The following TMEM178B variants were observed in gnomAD, a reference collection of about 807,000 sequenced individuals.
TMEM178B encodes transmembrane protein 178B.
TMEM178B carries 5 observed loss-of-function variants against 31.0 expected under a neutral mutation model. That is an observed-to-expected ratio of 0.16 (90% CI 0.08 to 0.34). The LOEUF (loss-of-function observed/expected upper bound fraction) is 0.34, where lower values mean the gene tolerates loss of function less well. TMEM178B is among the 10% of genes least tolerant of loss of function. TMEM178B has a pLI of 1.00. For missense variants in TMEM178B, 275 were observed against 400.3 expected, an observed-to-expected ratio of 0.69 and a Z score of 2.67; for synonymous variants, 164 against 164.0, an observed-to-expected ratio of 1.00 and a Z score of 0.00.
chr7:141,464,110 T>C (rs1439070060), intron 3 of TMEM178B, among the ~76,000 whole-genome samples: 3 of 152,100 alleles, frequency 2.0e-5, no homozygotes, highest in Non-Finnish European at 4.4e-5. Flanking sequence ...ATAGTAAGTG[T>C]TGTCTGCGAG....
At chr7:141,499,638 TAAAA>T in the TMEM178B span, among the ~76,000 whole-genome samples, 1 of 151,788 alleles carries the variant, frequency 6.6e-6, no homozygotes, top group African/African-American at 2.4e-5. Context: ...GACCCTGTCT[TAAAA>T]AAACCAACAA....
At chr7:141,334,501 C>G (rs1200151728) in intron 2 of TMEM178B, among the ~76,000 whole-genome samples, 2 of 152,124 alleles carry the variant, frequency 1.3e-5, no homozygotes, top group Non-Finnish European at 2.9e-5. Context: ...CTGCAGGGAC[C>G]TGAAGAAGAT....
intron 2 of TMEM178B, among the ~76,000 whole-genome samples, chr7:141,290,105 G>A (rs933590098): frequency 1.3e-5 from 2 of 152,226 alleles, no homozygotes; most frequent in Admixed American, 1.3e-4. Context: ...TCATTCTGCA[G>A]ACTGTCTTTC....
intron 1 of TMEM178B, among the ~76,000 whole-genome samples, chr7:141,161,988 A>G (rs1264064553): frequency 1.3e-5 from 2 of 152,038 alleles, no homozygotes; most frequent in African/African-American, 4.8e-5. Context: ...GTGCACTTGC[A>G]GGCAGAAAGG....
intron 2 of TMEM178B, among the ~76,000 whole-genome samples, chr7:141,381,714 A>C (rs1800318588): frequency 6.6e-6 from 1 of 152,216 alleles, no homozygotes; most frequent in South Asian, 2.1e-4. Flanking sequence ...GCTGGTTGGC[A>C]AGGATAGGAG....
At position 141,298,467 on chromosome 7, in the gene TMEM178B, A is replaced by G. The variant is rs188624603; in HGVS notation, c.496+85763A>G. Among the ~76,000 whole-genome samples, 184 of 152,330 alleles carry G rather than the reference A, an allele frequency of 1.2e-3. 2 individuals are homozygous for G. Among genetic ancestry groups the G allele is most frequent in the African/African-American group, 4.1e-3 (172 of 41,580 alleles). On this transcript the variant is annotated intron_variant, in intron 2 of 3. Transcript: ENST00000565468. ...CCAAAGCTGGGCCCGATTATCTTCA[A>G]TGTGAACTCCAATAGAGTAGCTGGC...
chr7:141,278,605 TAAA>T (rs1798305951), intron 2 of TMEM178B, among the ~76,000 whole-genome samples: 1 of 151,846 alleles, frequency 6.6e-6, no homozygotes, highest in African/African-American at 2.4e-5. Context: ...AATAAAAAAA[TAAA>T]AAATAAAGAT....
At chr7:141,196,340 T>A (rs1006696135) in intron 1 of TMEM178B, among the ~76,000 whole-genome samples, 1 of 152,200 alleles carries the variant, frequency 6.6e-6, no homozygotes, top group Non-Finnish European at 1.5e-5. Context: ...CAGCCACACA[T>A]GTAGGAGTTT....
chr7:141,498,562 G>A, the TMEM178B span, among the ~76,000 whole-genome samples: 3 of 152,190 alleles, frequency 2.0e-5, no homozygotes, highest in Non-Finnish European at 2.9e-5. Flanking sequence ...AGTCAACTAG[G>A]GAAAAGGTTT....
intron 2 of TMEM178B, among the ~76,000 whole-genome samples, chr7:141,307,395 C>T (rs1798832737): frequency 6.6e-6 from 1 of 152,194 alleles, no homozygotes; most frequent in Non-Finnish European, 1.5e-5. Context: ...TGGCCAGGTA[C>T]CCTAGGGGAT....
chr7:141,186,566 TA>T (rs1346206569), intron 1 of TMEM178B, among the ~76,000 whole-genome samples: 1 of 152,248 alleles, frequency 6.6e-6, no homozygotes, highest in Non-Finnish European at 1.5e-5. Flanking sequence ...AGCTTAATCT[TA>T]TAGTCCCCTC....
chr7:141,080,894 T>C (rs4726263), intron 1 of TMEM178B, among the ~76,000 whole-genome samples: 97,551 of 151,958 alleles, frequency 0.64, 33,006 homozygotes, highest in East Asian at 0.77. Context: ...TGTGTTTGGG[T>C]TGAGGCTGGT....
At chr7:141,497,279 CA>C in the TMEM178B span, among the ~76,000 whole-genome samples, 1 of 152,178 alleles carries the variant, frequency 6.6e-6, no homozygotes, top group Admixed American at 6.5e-5. Context: ...GCTGAGAGGC[CA>C]GAAGGTTGGA....
rs1802407712 is a variant in TMEM178B, at chr7:141,478,116, ATGG to A, written c.*7334_*7336del. ...GGGTTGCTACCAAATAAGACTGAAGATGGTGGAGGCAGTGGTGGCGTGGAGGCA... is the reference window on the plus strand; with the variant it reads ...GGGTTGCTACCAAATAAGACTGAAGATGGAGGCAGTGGTGGCGTGGAGGCA... On this transcript the variant is annotated 3_prime_UTR_variant, in exon 4 of 4. Coordinates refer to ENST00000565468, the MANE Select transcript of TMEM178B (RefSeq NM_001195278.2). The A allele has an allele frequency of 6.5e-6, 1 of 153,200 alleles. No homozygotes were observed. Among genetic ancestry groups the A allele is most frequent in the Non-Finnish European group, 1.5e-5 (1 of 68,498 alleles). 9.5% of individuals were successfully genotyped at this position (153,200 alleles called of 1,614,324 possible).
chr7:141,166,815 A>G (rs1796269758), intron 1 of TMEM178B, among the ~76,000 whole-genome samples: 1 of 152,226 alleles, frequency 6.6e-6, no homozygotes, highest in South Asian at 2.1e-4. Flanking sequence ...TGTGAGCTAA[A>G]CACTGTGATC....
chr7:141,366,868 A>G (rs1490005127), intron 2 of TMEM178B, among the ~76,000 whole-genome samples: 1 of 152,008 alleles, frequency 6.6e-6, no homozygotes, highest in Non-Finnish European at 1.5e-5. Flanking sequence ...GGCCCACAGT[A>G]TACCCTGCAA....
At chr7:141,326,520 A>T (rs2116483003) in intron 2 of TMEM178B, among the ~76,000 whole-genome samples, 1 of 152,318 alleles carries the variant, frequency 6.6e-6, no homozygotes, top group Non-Finnish European at 1.5e-5. Flanking sequence ...ACAGTAATTA[A>T]GGCCTCCTGG....
chr7:141,246,434 A>C (rs1586848195), intron 2 of TMEM178B, among the ~76,000 whole-genome samples: 1 of 152,372 alleles, frequency 6.6e-6, no homozygotes, highest in East Asian at 1.9e-4. Flanking sequence ...AGTAACGTCC[A>C]TCCTCTAGGG....
intron 2 of TMEM178B, among the ~76,000 whole-genome samples, chr7:141,239,859 C>G (rs1797592046): frequency 6.6e-6 from 1 of 152,070 alleles, no homozygotes; most frequent in African/African-American, 2.4e-5. Flanking sequence ...GGGCTTTGCC[C>G]CCTAGTGTAG....
Sources: allele counts gnomAD v4.1 joint callset (sites outside exome capture counted in the v4.1 genomes callset), GRCh38; gene constraint gnomAD v4.1.1; transcripts MANE v1.5; gene names NCBI Gene and HGNC (gene_info 2026-07-23, HGNC 2026-07-21).